Variants in TRPM3 observed in about 807,000 individuals in gnomAD.
TRPM3 encodes long transient receptor potential channel 3.
Under a neutral mutation model 181.2 loss-of-function variants are expected in TRPM3, and 77 were observed. That is an observed-to-expected ratio of 0.42 (90% CI 0.35 to 0.51). The LOEUF (loss-of-function observed/expected upper bound fraction) is 0.51. TRPM3 is among the 20% of genes least tolerant of loss of function. The probability of loss-of-function intolerance (pLI) is 0.01; values close to 1 mark genes in which losing one functional copy is unlikely to be tolerated. For missense variants in TRPM3, 1,759 were observed against 2,196.7 expected (o/e 0.80, Z 3.98); for synonymous variants, 745 against 796.4 (o/e 0.94, Z 1.09).
intron 9 of TRPM3, among the ~76,000 whole-genome samples, chr9:70,669,864 G>GT (rs1400273046): frequency 6.6e-6 from 1 of 151,556 alleles, no homozygotes; most frequent in Non-Finnish European, 1.5e-5. Context: ...AGCCTCCTGA[G>GT]TAGCTGGGAC....
chr9:71,394,398 T>C (rs2093140289), intron 1 of TRPM3, among the ~76,000 whole-genome samples: 1 of 152,204 alleles, frequency 6.6e-6, no homozygotes, highest in Non-Finnish European at 1.5e-5. Flanking sequence ...TTCCAAAATG[T>C]TTGGCATTCT....
intron 1 of TRPM3, among the ~76,000 whole-genome samples, chr9:71,231,052 A>G (rs1269647301): frequency 2.0e-5 from 3 of 152,226 alleles, no homozygotes; most frequent in Non-Finnish European, 2.9e-5. Flanking sequence ...CATGGAATAT[A>G]TCAAGCTACT....
intron 1 of TRPM3, among the ~76,000 whole-genome samples, chr9:71,262,153 C>T (rs1173467394): frequency 6.6e-6 from 1 of 152,164 alleles, no homozygotes; most frequent in Admixed American, 6.6e-5. Context: ...AGAGTTTTAT[C>T]TATAAGCTCC....
At chr9:70,938,371 GTCA>G (rs1315478083) in intron 1 of TRPM3, among the ~76,000 whole-genome samples, 2 of 152,196 alleles carry the variant, frequency 1.3e-5, no homozygotes, top group South Asian at 2.1e-4. Context: ...ATAACTTGTG[GTCA>G]TCATCTTCTT....
At chr9:70,956,039 C>A (rs1232201069) in intron 1 of TRPM3, among the ~76,000 whole-genome samples, 1 of 152,160 alleles carries the variant, frequency 6.6e-6, no homozygotes, top group Non-Finnish European at 1.5e-5. Flanking sequence ...ATCAGAGGAA[C>A]TCCCAATATT....
At chr9:70,694,413 C>T (rs1470542463) in intron 8 of TRPM3, among the ~76,000 whole-genome samples, 1 of 152,168 alleles carries the variant, frequency 6.6e-6, no homozygotes, top group Non-Finnish European at 1.5e-5. Context: ...GCCCTGTCTC[C>T]TACTTCATAC....
chr9:70,690,326 A>G (rs766389002), intron 8 of TRPM3, among the ~76,000 whole-genome samples: 12 of 152,180 alleles, frequency 7.9e-5, no homozygotes, highest in Non-Finnish European at 1.8e-4. Context: ...AAGAATTTAG[A>G]ACAGTCTGCC....
At chr9:70,977,320 G>C (rs932258724) in intron 1 of TRPM3, among the ~76,000 whole-genome samples, 1 of 152,138 alleles carries the variant, frequency 6.6e-6, no homozygotes, top group Non-Finnish European at 1.5e-5. Context: ...ATTTTTAGTA[G>C]AGACGGGGTT....
intron 1 of TRPM3, among the ~76,000 whole-genome samples, chr9:71,066,582 C>A (rs937246549): frequency 6.6e-6 from 1 of 152,076 alleles, no homozygotes; most frequent in African/African-American, 2.4e-5. Context: ...ACAGAGAGGG[C>A]CTCTGATGGT....
chr9:70,695,824 G>A (rs994394462), intron 8 of TRPM3, among the ~76,000 whole-genome samples: 8 of 152,148 alleles, frequency 5.3e-5, no homozygotes, highest in Non-Finnish European at 7.4e-5. Flanking sequence ...CCTTGACGCC[G>A]GAGAGGTTAG....
In TRPM3 at chr9:70,843,147, A is replaced by G; in HGVS notation, c.677-20T>C. ...TAACACCTAAAAAAAAAAGAGAAGC[A>G]TTGATTTTTTCTTTTAAAGCAAATA... On this transcript the variant is annotated intron_variant, in intron 4 of 25. Transcript: ENST00000677713. 1 of 1,594,652 alleles carries G rather than the reference A, an allele frequency of 6.3e-7. No homozygotes were observed. Among genetic ancestry groups the G allele is most frequent in the Non-Finnish European group, 8.5e-7 (1 of 1,174,538 alleles).
At chr9:70,842,762 AGG>A (rs956589659) in intron 5 of TRPM3, among the ~76,000 whole-genome samples, 1 of 152,118 alleles carries the variant, frequency 6.6e-6, no homozygotes, top group African/African-American at 2.4e-5. Flanking sequence ...TTAAGCAGAG[AGG>A]GGGTAGGTGG....
chr9:70,821,373 A>G (rs1395765848), intron 6 of TRPM3, among the ~76,000 whole-genome samples: 1 of 152,240 alleles, frequency 6.6e-6, no homozygotes, highest in African/African-American at 2.4e-5. Context: ...GCTGGATGAT[A>G]GCTGTAGGGT....
At chr9:71,189,266 A>G (rs2077866451) in intron 1 of TRPM3, among the ~76,000 whole-genome samples, 1 of 151,892 alleles carries the variant, frequency 6.6e-6, no homozygotes, top group Admixed American at 6.6e-5. Context: ...ATGCTTTAGG[A>G]GTAGAGCTTT....
chr9:71,287,414 G>C (rs1257788971), intron 1 of TRPM3, among the ~76,000 whole-genome samples: 1 of 151,814 alleles, frequency 6.6e-6, no homozygotes, highest in East Asian at 1.9e-4. Flanking sequence ...CAATCACTAT[G>C]AGGCTGTCCC....
At chr9:70,579,528 T>C (rs899877395) in intron 22 of TRPM3, 1 of 152,174 alleles carries the variant, frequency 6.6e-6, no homozygotes, top group Non-Finnish European at 1.5e-5. Context: ...AGTATATAAA[T>C]GCATTCATTC....
intron 1 of TRPM3, among the ~76,000 whole-genome samples, chr9:71,414,535 C>G (rs1200169184): frequency 6.6e-6 from 1 of 152,020 alleles, no homozygotes; most frequent in African/African-American, 2.4e-5. Context: ...GGCCTGTATA[C>G]AGTAATCACA....
At chr9:70,772,300 G>T (rs1382796829) in intron 7 of TRPM3, among the ~76,000 whole-genome samples, 1 of 150,044 alleles carries the variant, frequency 6.7e-6, no homozygotes, top group African/African-American at 2.4e-5. Context: ...AGATATGGAA[G>T]ATCTCTGTCA....
At chr9:71,071,815 G>A (rs957079916) in intron 1 of TRPM3, among the ~76,000 whole-genome samples, 2 of 152,134 alleles carry the variant, frequency 1.3e-5, no homozygotes, top group African/African-American at 4.8e-5. Context: ...ACTAATAACC[G>A]CCTGTGACAT....
Sources: gnomAD v4.1 joint callset for allele counts (sites outside exome capture counted in the v4.1 genomes callset) on GRCh38, gnomAD v4.1.1 for gene constraint, MANE v1.5 for transcripts, NCBI Gene and HGNC (gene_info 2026-07-23, HGNC 2026-07-21) for gene names.